SHCBP1: variants seen among roughly 807,000 people sequenced by gnomAD.
The protein encoded by SHCBP1 is SHC SH2 domain-binding protein 1.
Under a neutral mutation model 75.1 loss-of-function variants are expected in SHCBP1, and 60 were observed. That is an observed-to-expected ratio of 0.80 (90% CI 0.65 to 0.99). SHCBP1 has a LOEUF of 0.99. Ranked by LOEUF, SHCBP1 falls within the 50% of genes least tolerant of loss-of-function variation. The probability of loss-of-function intolerance (pLI) is 0.00; values close to 1 mark genes in which losing one functional copy is unlikely to be tolerated. For synonymous variants in SHCBP1, 290 were observed against 293.2 expected, an observed-to-expected ratio of 0.99 and a Z score of 0.11; for missense variants, 709 against 809.4, an observed-to-expected ratio of 0.88 and a Z score of 1.50.
At chr16:46,604,519 T>A in intron 5 of SHCBP1, 58 bp from the exon 6 acceptor site, 2 of 1,221,232 alleles carry the variant, frequency 1.6e-6, no homozygotes, top group Non-Finnish European at 1.2e-6. Flanking sequence ...TTCCTATCAT[T>A]AAAACAGCCC....
intron 4 of SHCBP1, 83 bp downstream of exon 4, chr16:46,615,863 C>A: frequency 8.0e-7 from 1 of 1,255,514 alleles, no homozygotes; most frequent in Non-Finnish European, 1.2e-6. Flanking sequence ...AGTTTTAAAT[C>A]TGGGTCTAAC....
chr16:46,617,548 A>G, intron 3 of SHCBP1, 86 bp downstream of exon 3: 1 of 999,386 alleles, frequency 1.0e-6, no homozygotes, highest in Non-Finnish European at 1.5e-6. Context: ...ATAAACTTTA[A>G]TTAAAAATAA....
At chr16:46,611,432 T>C (rs961207396) in intron 4 of SHCBP1, among the ~76,000 whole-genome samples, 1 of 152,234 alleles carries the variant, frequency 6.6e-6, no homozygotes, top group Admixed American at 6.5e-5. Context: ...CTCCTTATAA[T>C]TTCCGCTTTG....
chr16:46,613,351 CAA>C (rs1297092869), intron 4 of SHCBP1, among the ~76,000 whole-genome samples: 1 of 152,060 alleles, frequency 6.6e-6, no homozygotes, highest in African/African-American at 2.4e-5. Flanking sequence ...ACACAAAACA[CAA>C]AACTAGTCAT....
chr16:46,608,603 C>CTTTTT (rs34823071), intron 4 of SHCBP1, among the ~76,000 whole-genome samples: 4 of 127,022 alleles, frequency 3.1e-5, no homozygotes, highest in Admixed American at 8.6e-5. Context: ...TTTGTTAGGA[C>CTTTTT]TTTTTTTTTT....
In SHCBP1 at chr16:46,591,947, C is replaced by T. The variant is rs138169555; in HGVS notation, c.1464+3605G>A. Among the ~76,000 whole-genome samples the T allele has an allele frequency of 4.8e-4, 73 of 151,998 alleles. 1 individual carries two copies. Among genetic ancestry groups the T allele is most frequent in the African/African-American group, 1.7e-3 (71 of 41,488 alleles). ...ATAAATATCAAAATTTACAAAACAG[C>T]TAGAGCAATGCTGAGAGACAAGTTT... On this transcript the variant is annotated intron_variant, in intron 10 of 12. Coordinates refer to ENST00000303383, the MANE Select transcript of SHCBP1 (RefSeq NM_024745.5).
At position 46,618,717 on chromosome 16, in the gene SHCBP1, C is replaced by T. The variant is rs147990340; in HGVS notation, c.104-345G>A. On this transcript the variant is annotated intron_variant, in intron 1 of 12. Coordinates refer to ENST00000303383, the MANE Select transcript of SHCBP1 (RefSeq NM_024745.5). The stretch of plus-strand genomic sequence containing the variant: ...AGTGCAGTGGTGCGATCATAGCTCA[C>T]CGCAACCTCAAACTCCTGGACTCAA... 2.9e-3 allele frequency among the ~76,000 whole-genome samples: 447 copies of T among 152,244 alleles called. 2 individuals are homozygous for T. Among genetic ancestry groups the T allele is most frequent in the African/African-American group, 0.01 (423 of 41,552 alleles).
At chr16:46,594,572 A>C (rs981330208) in intron 10 of SHCBP1, among the ~76,000 whole-genome samples, 8 of 152,192 alleles carry the variant, frequency 5.3e-5, no homozygotes, top group Non-Finnish European at 1.0e-4. Flanking sequence ...AGAATGGCTA[A>C]AACAAAAAAT....
At chr16:46,603,716 T>C in intron 7 of SHCBP1, 57 bp from the exon 8 acceptor site, 1 of 1,599,740 alleles carries the variant, frequency 6.3e-7, no homozygotes, top group Non-Finnish European at 8.6e-7. Flanking sequence ...GTAATTTGAG[T>C]ATTACTCTAG....
chr16:46,581,800 T>A lies in SHCBP1; in HGVS notation c.1948A>T (p.Met650Leu). The change falls in exon 13 of 13, where the codon ATG becomes TTG. Residue 650 changes from methionine (M) to leucine (L), a missense_variant. By Grantham distance (15) the Met-to-Leu change is conservative. Coordinates refer to ENST00000303383, the MANE Select transcript of SHCBP1 (RefSeq NM_024745.5). The part of the protein sequence containing the change: ...QADDNLMSQE[M>L]FVGIVGNQFK... ...TGGTTCCCCACAATCCCAACAAACA[T>A]CTCCTGTGACATTAAGTTGTCATCA... 6.2e-7 allele frequency: 1 copy of A among 1,614,112 alleles called. No homozygotes were observed. The highest frequency in any genetic ancestry group is 1.1e-5 in the South Asian group (1 of 91,078).
intron 6 of SHCBP1, 33 bp from the exon 7 acceptor site, chr16:46,604,176 C>T: frequency 6.2e-7 from 1 of 1,612,946 alleles, no homozygotes; most frequent in Non-Finnish European, 8.5e-7. Context: ...ATCAGTAAGA[C>T]AGCAAGTAAG....
chr16:46,589,301 A>G (rs1231181819), intron 10 of SHCBP1, among the ~76,000 whole-genome samples: 1 of 152,188 alleles, frequency 6.6e-6, no homozygotes, highest in African/African-American at 2.4e-5. Context: ...CCTATTCAAC[A>G]TAGTGTTGGA....
chr16:46,583,752 GA>G, intron 11 of SHCBP1, 95 bp from the exon 12 acceptor site: 3 of 1,439,142 alleles, frequency 2.1e-6, no homozygotes, highest in Non-Finnish European at 2.8e-6. Context: ...AAAATAAAAG[GA>G]AAAAGCTATG....
intron 5 of SHCBP1, among the ~76,000 whole-genome samples, 190 bp from the exon 6 acceptor site, chr16:46,604,651 C>T (rs1183025784): frequency 1.3e-5 from 2 of 152,138 alleles, no homozygotes; most frequent in Admixed American, 6.5e-5. Flanking sequence ...ATTTAAAGCA[C>T]CACTTCCTTA....
At chr16:46,619,366 C>T (rs1038394838) in intron 1 of SHCBP1, among the ~76,000 whole-genome samples, 1 of 152,078 alleles carries the variant, frequency 6.6e-6, no homozygotes, top group African/African-American at 2.4e-5. Flanking sequence ...TTGATTTTCT[C>T]CTTCCCTTTC....
intron 4 of SHCBP1, among the ~76,000 whole-genome samples, chr16:46,609,957 T>C (rs1018969187): frequency 7.9e-5 from 12 of 151,400 alleles, no homozygotes; most frequent in Non-Finnish European, 1.8e-4. Context: ...ATATTGGATT[T>C]TTTTTTTTTT....
chr16:46,614,565 G>T (rs1041587362), intron 4 of SHCBP1, among the ~76,000 whole-genome samples: 1 of 152,052 alleles, frequency 6.6e-6, no homozygotes, highest in Non-Finnish European at 1.5e-5. Context: ...AGGGACAAGG[G>T]GTCCACTTGT....
In SHCBP1 at chr16:46,581,473, C is replaced by A; in HGVS notation, c.*256G>T. Reference sequence around the variant, plus strand: ...ACTACCAGGCTTAATATGAGAGAACCATGTGTATAAGAAAGCAAGACTTTC... The same window carrying A: ...ACTACCAGGCTTAATATGAGAGAACAATGTGTATAAGAAAGCAAGACTTTC... On this transcript the variant is annotated 3_prime_UTR_variant, in exon 13 of 13. Transcript: ENST00000303383. 2.1e-5 allele frequency: 9 copies of A among 423,036 alleles called. No individual in the cohort carries two copies. The highest frequency in any genetic ancestry group is 6.6e-5 in the South Asian group (2 of 30,128). 26.2% of individuals were successfully genotyped at this position (423,036 alleles called of 1,614,324 possible).
At position 46,579,657 on chromosome 16, in the gene SHCBP1, C is replaced by T. The variant is rs944715273; in HGVS notation, c.*2072G>A. The stretch of plus-strand genomic sequence containing the variant: ...TCTACTAAAAATACAAAAAAAAGGC[C>T]AGGCACGTGGCTCATGCCTGTAATC... On this transcript the variant is annotated 3_prime_UTR_variant, in exon 13 of 13. Transcript: ENST00000303383. 6.7e-6 allele frequency among the ~76,000 whole-genome samples: 1 copy of T among 149,296 alleles called. No homozygotes were observed. The highest frequency in any genetic ancestry group is 2.5e-5 in the African/African-American group (1 of 40,448).
Sources: gnomAD v4.1 joint callset for allele counts (sites outside exome capture counted in the v4.1 genomes callset) on GRCh38, gnomAD v4.1.1 for gene constraint, MANE v1.5 for transcripts, NCBI Gene and HGNC (gene_info 2026-07-23, HGNC 2026-07-21) for gene names.